The following UBE3C variants were observed in gnomAD, a reference collection of about 807,000 sequenced individuals.
UBE3C encodes ubiquitin protein ligase E3C.
UBE3C carries 42 observed loss-of-function variants against 129.4 expected under a neutral mutation model. The ratio of observed to expected loss-of-function variants is 0.32; its 90% CI spans 0.25 to 0.42. UBE3C has a LOEUF of 0.42. Among genes scored for constraint, UBE3C ranks in the 10% least tolerant of loss-of-function variants. The pLI, the probability that UBE3C is intolerant of heterozygous loss-of-function variation, is 1.00. For synonymous variants in UBE3C, 510 were observed against 492.4 expected, an observed-to-expected ratio of 1.04 and a Z score of -0.47; for missense variants, 1,049 against 1,319.1, an observed-to-expected ratio of 0.80 and a Z score of 3.17.
At chr7:157,206,900 CTT>C (rs949493691) in intron 11 of UBE3C, among the ~76,000 whole-genome samples, 5 of 152,188 alleles carry the variant, frequency 3.3e-5, no homozygotes, top group African/African-American at 1.2e-4. Context: ...GAACTGGAAA[CTT>C]TGTTTCTTGA....
rs1191489175 is a variant in UBE3C at position 157,158,012 on chromosome 7, A to C, written c.67-5798A>C. 2.7e-5 allele frequency among the ~76,000 whole-genome samples: 4 copies of C among 148,980 alleles called. No individual in the cohort carries two copies. The East Asian group carries it at 7.9e-4, about 30-fold the overall frequency. ...TAGAGAGAGAGAGAGAGAGATACAT[A>C]TAAACATGGTGAGACCCAATCTGTA... On this transcript the variant is annotated intron_variant, in intron 1 of 22. Coordinates refer to ENST00000348165, the MANE Select transcript of UBE3C (RefSeq NM_014671.3).
At chr7:157,208,493 TA>T (rs1470351564) in intron 13 of UBE3C, among the ~76,000 whole-genome samples, 2 of 152,244 alleles carry the variant, frequency 1.3e-5, no homozygotes, top group Non-Finnish European at 2.9e-5. Flanking sequence ...ACCATGTTTT[TA>T]AACCTTGTTA....
intron 1 of UBE3C, among the ~76,000 whole-genome samples, chr7:157,150,448 C>T (rs1186725251): frequency 4.0e-5 from 6 of 151,228 alleles, no homozygotes; most frequent in East Asian, 3.9e-4. Context: ...CATTTAGAAA[C>T]GTAAAAATTT....
chr7:157,185,084 A>G (rs1212363195), intron 9 of UBE3C, among the ~76,000 whole-genome samples: 1 of 152,230 alleles, frequency 6.6e-6, no homozygotes, highest in African/African-American at 2.4e-5. Flanking sequence ...TTTTTGGAAG[A>G]AAGTTATTAA....
intron 9 of UBE3C, among the ~76,000 whole-genome samples, chr7:157,185,909 C>T (rs1808792235): frequency 6.6e-6 from 1 of 151,884 alleles, no homozygotes; most frequent in Admixed American, 6.6e-5. Context: ...TTGTATTCAT[C>T]CAAGTTTCCA....
intron 22 of UBE3C, among the ~76,000 whole-genome samples, chr7:157,257,742 C>CAAAAA (rs11436417): frequency 2.1e-5 from 2 of 95,496 alleles, no homozygotes; most frequent in Non-Finnish European, 3.8e-5. Context: ...ACCCTGTCTC[C>CAAAAA]AAAAAAAAAA....
chr7:157,144,775 C>G (rs1807559917), intron 1 of UBE3C, among the ~76,000 whole-genome samples: 1 of 152,132 alleles, frequency 6.6e-6, no homozygotes, highest in Non-Finnish European at 1.5e-5. Flanking sequence ...TAGTCTCCCT[C>G]ACCTCACTTT....
At chr7:157,171,684 A>ATG in intron 4 of UBE3C, among the ~76,000 whole-genome samples, 1 of 54,648 alleles carries the variant, frequency 1.8e-5, no homozygotes, top group Admixed American at 2.2e-4. Flanking sequence ...ATATATATAT[A>ATG]TATTTTTTTT....
At chr7:157,204,552 A>G (rs1308196158) in intron 11 of UBE3C, among the ~76,000 whole-genome samples, 1 of 152,106 alleles carries the variant, frequency 6.6e-6, no homozygotes, top group African/African-American at 2.4e-5. Context: ...ACCCCAGTCT[A>G]GCAGACCACA....
Position 157,268,699 on chromosome 7 carries a change from C to A in UBE3C, c.*944C>A, listed in dbSNP as rs551852145. On this transcript the variant is annotated 3_prime_UTR_variant, in exon 23 of 23. Coordinates refer to ENST00000348165, the MANE Select transcript of UBE3C (RefSeq NM_014671.3). ...TCCTGGATATTTGGGGGTGACTCGC[C>A]ATGCTTGGCACCCTCTGCTTCCTGG... 2.0e-5 allele frequency: 3 copies of A among 152,856 alleles called. No individual in the cohort carries two copies. The East Asian group carries it at 5.8e-4, about 29-fold the overall frequency. The allele number at this position is 152,856 out of a possible 1,614,324, so 9.5% of individuals were successfully genotyped here. A position where few individuals can be genotyped will look rare whatever the true frequency, so the allele number is the denominator to read the frequency against.
intron 2 of UBE3C, among the ~76,000 whole-genome samples, chr7:157,167,863 T>G (rs1172816843): frequency 2.0e-5 from 3 of 151,950 alleles, no homozygotes; most frequent in Non-Finnish European, 4.4e-5. Context: ...GGCTGGCACA[T>G]AGTAGTAGGC....
chr7:157,156,285 C>G lies in UBE3C; in HGVS notation c.67-7525C>G, dbSNP rs112163639. 5.4e-3 allele frequency among the ~76,000 whole-genome samples: 805 copies of G among 150,338 alleles called. 12 individuals carry two copies. Among genetic ancestry groups the G allele is most frequent in the African/African-American group, 0.018 (728 of 40,754 alleles). ...ATACTAGAGCCTTTCACCTCCACTC[C>G]TCACACCCCCAGTTCTTTTTTTTTT... On this transcript the variant is annotated intron_variant, in intron 1 of 22. Coordinates refer to ENST00000348165, the MANE Select transcript of UBE3C (RefSeq NM_014671.3).
intron 18 of UBE3C, among the ~76,000 whole-genome samples, chr7:157,238,197 T>A (rs1796203101): frequency 6.6e-6 from 1 of 152,168 alleles, no homozygotes; most frequent in African/African-American, 2.4e-5. Flanking sequence ...AAACTTAAAA[T>A]CAGCTTTGAG....
chr7:157,187,023 C>T lies in UBE3C; in HGVS notation c.1331+2C>T. ...CCGCATGATGGTACCCAAAGTCAGG[C>T]AAGTGTCCGTGGGCGTCTGTGCCAG... On this transcript the variant is annotated splice_donor_variant, in intron 10 of 22. Coordinates refer to ENST00000348165, the MANE Select transcript of UBE3C (RefSeq NM_014671.3). LOFTEE classifies it low-confidence loss of function (GC_TO_GT_DONOR). 3 of 1,596,782 alleles carry T rather than the reference C, an allele frequency of 1.9e-6. No individual in the cohort carries two copies. The highest frequency in any genetic ancestry group is 1.7e-6 in the Non-Finnish European group (2 of 1,171,290).
In UBE3C at chr7:157,249,336, A is replaced by G. The variant is rs113082160; in HGVS notation, c.2694+756A>G. On this transcript the variant is annotated intron_variant, in intron 19 of 22. Transcript: ENST00000348165. ...CGATAGAGTCTTTTTTTTTTTTGAG[A>G]TGGAGTTTCACTCTTGTTGCCCAGG... Among the ~76,000 whole-genome samples the G allele has an allele frequency of 2.7e-5, 4 of 149,488 alleles. 1 individual carries two copies. Among genetic ancestry groups the G allele is most frequent in the African/African-American group, 4.9e-5 (2 of 40,640 alleles).
At chr7:157,235,216 A>G (rs1584809105) in intron 18 of UBE3C, among the ~76,000 whole-genome samples, 1 of 152,060 alleles carries the variant, frequency 6.6e-6, no homozygotes, top group African/African-American at 2.4e-5. Flanking sequence ...AAGAAAAGAA[A>G]ATCTTTACAA....
intron 5 of UBE3C, among the ~76,000 whole-genome samples, chr7:157,175,486 T>G (rs746805703): frequency 6.6e-6 from 1 of 152,230 alleles, no homozygotes; most frequent in Non-Finnish European, 1.5e-5. Flanking sequence ...GTGACTTTCT[T>G]GCATTCAGTG....
chr7:157,235,559 T>A (rs901407404), intron 18 of UBE3C, among the ~76,000 whole-genome samples: 1 of 152,244 alleles, frequency 6.6e-6, no homozygotes, highest in Non-Finnish European at 1.5e-5. Context: ...GAAGATGATG[T>A]CATTGTACAG....
chr7:157,258,943 T>C (rs1796827389), intron 22 of UBE3C, among the ~76,000 whole-genome samples: 1 of 152,236 alleles, frequency 6.6e-6, no homozygotes, highest in Non-Finnish European at 1.5e-5. Context: ...TCCTGAATCA[T>C]TTGAGAATAG....
Sources: allele counts gnomAD v4.1 joint callset (sites outside exome capture counted in the v4.1 genomes callset), GRCh38; gene constraint gnomAD v4.1.1; transcripts MANE v1.5; gene names NCBI Gene and HGNC (gene_info 2026-07-23, HGNC 2026-07-21).